DHX57: variants seen among roughly 807,000 people sequenced by gnomAD.
The protein encoded by DHX57 is DExH-box helicase 57.
A neutral mutation model predicts 156.2 loss-of-function variants in DHX57; 105 were observed. The ratio of observed to expected loss-of-function variants is 0.67; its 90% CI spans 0.57 to 0.79. The LOEUF (loss-of-function observed/expected upper bound fraction) is 0.79. DHX57 is among the 30% of genes least tolerant of loss of function. The pLI, the probability that DHX57 is intolerant of heterozygous loss-of-function variation, is 0.00. For missense variants in DHX57, 1,847 were observed against 1,661.9 expected (o/e 1.11, Z -1.94); for synonymous variants, 704 against 595.6 (o/e 1.18, Z -2.65).
intron 2 of DHX57, chr2:38,867,125 C>T (rs1280667001): frequency 6.6e-6 from 1 of 152,124 alleles, no homozygotes; most frequent in Non-Finnish European, 1.5e-5. Context: ...GTTATAATTG[C>T]TTAGAGTATT....
intron 13 of DHX57, among the ~76,000 whole-genome samples, chr2:38,830,181 T>C: frequency 6.6e-6 from 1 of 152,192 alleles, no homozygotes; most frequent in Non-Finnish European, 1.5e-5. Context: ...ATAGTTATCC[T>C]TCCCACTAAA....
chr2:38,854,922 C>A, intron 8 of DHX57, 135 bp downstream of exon 8: 1 of 839,858 alleles, frequency 1.2e-6, no homozygotes, highest in Non-Finnish European at 1.9e-6. Context: ...AAATGATTAC[C>A]AAAGGTAATC....
At chr2:38,871,181 T>G (rs1665334934) in intron 1 of DHX57, among the ~76,000 whole-genome samples, 1 of 152,210 alleles carries the variant, frequency 6.6e-6, no homozygotes, top group South Asian at 2.1e-4. Context: ...TGAAAACCAG[T>G]ACAAAAGTAT....
chr2:38,824,947 C>A (rs1218493889), intron 16 of DHX57, among the ~76,000 whole-genome samples: 4 of 152,158 alleles, frequency 2.6e-5, no homozygotes, highest in African/African-American at 7.2e-5. Context: ...CCACACCCAG[C>A]CCAAAGCTGC....
chr2:38,849,642 C>A (rs952939281), intron 9 of DHX57, among the ~76,000 whole-genome samples: 1 of 152,104 alleles, frequency 6.6e-6, no homozygotes, highest in Non-Finnish European at 1.5e-5. Flanking sequence ...CTATATGGCA[C>A]GGTCTACACC....
chr2:38,810,885 G>A, intron 21 of DHX57: 1 of 756,952 alleles, frequency 1.3e-6, no homozygotes, highest in East Asian at 2.7e-5. Context: ...TGTCAATATG[G>A]CCCACGCTGT....
At position 38,818,803 on chromosome 2, in the gene DHX57, G is replaced by C. The variant is rs1160170224; in HGVS notation, c.3471+74C>G. ...TTTGCAATGTTAAGACAGGACACAT[G>C]AGACAAAGTCGCAGCACCCTCTGGT... On this transcript the variant is annotated intron_variant, in intron 19 of 23. Transcript: ENST00000457308. 21 of 1,509,364 alleles carry C rather than the reference G, an allele frequency of 1.4e-5. No individual in the cohort carries two copies. The East Asian group carries it at 4.7e-4, about 34-fold the overall frequency. 93.5% of individuals were successfully genotyped at this position (1,509,364 alleles called of 1,614,324 possible).
In DHX57 at chr2:38,861,220, G is replaced by A. The variant is rs1169758218; in HGVS notation, c.1190C>T (p.Ala397Val). The A allele has an allele frequency of 5.6e-6, 9 of 1,614,144 alleles. No homozygotes were observed. The highest frequency in any genetic ancestry group is 5.1e-6 in the Non-Finnish European group (6 of 1,180,022). ...LHISEFLYDK[A>V]LTFAETSEPV... ...TTCCGAAGTTTCCGCAAATGTCAAG[G>A]CCTTGTCATAAAGAAACTCAGAAAT... The change falls in exon 5 of 24, where the codon GCC becomes GTC. Residue 397 changes from alanine to valine, a missense_variant. Physicochemically the swap from Ala to Val is moderately conservative, Grantham distance 64. Coordinates refer to ENST00000457308, the MANE Select transcript of DHX57 (RefSeq NM_198963.3).
At chr2:38,827,523 TATATATATATACAC>T (rs750166928) in intron 14 of DHX57, among the ~76,000 whole-genome samples, 717 of 27,414 alleles carry the variant, frequency 0.026, 87 homozygotes, top group Middle Eastern at 0.11. Flanking sequence ...TATATATATA[TATATATATATACAC>T]ACATACATAT....
chr2:38,846,904 G>T, intron 11 of DHX57, 115 bp downstream of exon 11: 1 of 723,622 alleles, frequency 1.4e-6, no homozygotes, highest in Non-Finnish European at 2.3e-6. Context: ...GCCCAAGCTG[G>T]TCTTGAACTG....
chr2:38,822,544 TC>T (rs1443743971), intron 17 of DHX57, among the ~76,000 whole-genome samples: 3 of 151,680 alleles, frequency 2.0e-5, no homozygotes, highest in Non-Finnish European at 4.4e-5. Context: ...CATGTGCACA[TC>T]ACCACGCCTG....
chr2:38,815,690 T>A (rs772139822), intron 19 of DHX57, 35 bp from the exon 20 acceptor site: 1 of 1,613,474 alleles, frequency 6.2e-7, no homozygotes, highest in South Asian at 1.1e-5. Context: ...AGCAAGGGCA[T>A]CAGCATAACA....
At chr2:38,870,469 G>A (rs983094574) in intron 1 of DHX57, among the ~76,000 whole-genome samples, 1 of 152,210 alleles carries the variant, frequency 6.6e-6, no homozygotes, top group East Asian at 1.9e-4. Flanking sequence ...CATGAAAGGA[G>A]TAAGAGAAAA....
At chr2:38,858,248 G>C (rs890711340) in intron 6 of DHX57, among the ~76,000 whole-genome samples, 5 of 152,166 alleles carry the variant, frequency 3.3e-5, no homozygotes, top group African/African-American at 9.7e-5. Context: ...TTTTAGTAGA[G>C]ACAGGGTTTT....
At chr2:38,841,339 A>C (rs527473699) in intron 12 of DHX57, among the ~76,000 whole-genome samples, 1 of 152,370 alleles carries the variant, frequency 6.6e-6, no homozygotes, top group East Asian at 1.9e-4. Flanking sequence ...CACAGAGATG[A>C]TAAAGAACTT....
intron 6 of DHX57, among the ~76,000 whole-genome samples, chr2:38,858,228 A>T (rs1216621604): frequency 6.6e-6 from 1 of 152,014 alleles, no homozygotes; most frequent in African/African-American, 2.4e-5. Flanking sequence ...CGCCCGGCTA[A>T]TTTTTGTATT....
At chr2:38,813,608 G>C (rs959536810) in intron 21 of DHX57, among the ~76,000 whole-genome samples, 1 of 151,988 alleles carries the variant, frequency 6.6e-6, no homozygotes, top group Non-Finnish European at 1.5e-5. Context: ...TCCTGACCTC[G>C]TGATCCGCCC....
At chr2:38,811,087 C>T (rs914822988) in intron 21 of DHX57, 41 of 575,094 alleles carry the variant, frequency 7.1e-5, no homozygotes, top group Non-Finnish European at 2.3e-5. Context: ...TCTTGGGGTT[C>T]TCCAAGATTC....
In DHX57 at chr2:38,843,152, T is replaced by C; in HGVS notation, c.2278A>G (p.Lys760Glu). The C allele has an allele frequency of 6.2e-7, 1 of 1,614,212 alleles. No homozygotes were observed. The highest frequency in any genetic ancestry group is 2.2e-5 in the East Asian group (1 of 44,890). The change falls in exon 12 of 24, where the codon AAG (lysine) becomes GAG (glutamate). Residue 760 changes from lysine (K) to glutamate (E), a missense_variant. Lys to Glu is a moderately conservative substitution (Grantham distance 56, BLOSUM62 1). Coordinates refer to ENST00000457308, the MANE Select transcript of DHX57 (RefSeq NM_198963.3). ...MRSMKQISKE[K>E]LKARRNRTAF... ...GTTCTGTTCCGCCTTGCTTTAAGCTTTTCCTTTGAAATCTGTTTCATGGAC... is the reference window on the plus strand; with the variant it reads ...GTTCTGTTCCGCCTTGCTTTAAGCTCTTCCTTTGAAATCTGTTTCATGGAC...
Sources: gnomAD v4.1 joint callset for allele counts (sites outside exome capture counted in the v4.1 genomes callset) on GRCh38, gnomAD v4.1.1 for gene constraint, MANE v1.5 for transcripts, NCBI Gene and HGNC (gene_info 2026-07-23, HGNC 2026-07-21) for gene names.